Variants in PRDM2 observed in about 807,000 individuals in gnomAD.
PRDM2 encodes PR domain zinc finger protein 2.
Under a neutral mutation model 130.0 loss-of-function variants are expected in PRDM2, and 30 were observed. That is an observed-to-expected ratio of 0.23 (90% CI 0.17 to 0.31). PRDM2 has a LOEUF of 0.31. PRDM2 is among the 10% of genes least tolerant of loss of function. The probability of loss-of-function intolerance (pLI) is 1.00; values close to 1 mark genes in which losing one functional copy is unlikely to be tolerated. For synonymous variants in PRDM2, 871 were observed against 782.4 expected, an observed-to-expected ratio of 1.11 and a Z score of -1.89; for missense variants, 2,011 against 2,108.4, an observed-to-expected ratio of 0.95 and a Z score of 0.90.
chr1:13,747,044 A>C (rs1643632607), intron 5 of PRDM2, among the ~76,000 whole-genome samples: 1 of 152,196 alleles, frequency 6.6e-6, no homozygotes, highest in Admixed American at 6.5e-5. Flanking sequence ...TGGATATTTA[A>C]CTTCACCAAG....
At chr1:13,769,374 G>A (rs761068610) in intron 6 of PRDM2, among the ~76,000 whole-genome samples, 6 of 152,170 alleles carry the variant, frequency 3.9e-5, no homozygotes, top group Non-Finnish European at 8.8e-5. Flanking sequence ...AGGTTCCACC[G>A]CCTGTTGCTG....
intron 8 of PRDM2, among the ~76,000 whole-genome samples, chr1:13,799,241 C>T (rs1282203043): frequency 1.3e-5 from 2 of 152,068 alleles, no homozygotes; most frequent in African/African-American, 2.4e-5. Flanking sequence ...GTCAGGAGTT[C>T]GAGACCAGCC....
chr1:13,798,446 C>T (rs1312795196), intron 8 of PRDM2, among the ~76,000 whole-genome samples: 1 of 151,320 alleles, frequency 6.6e-6, no homozygotes, highest in Non-Finnish European at 1.5e-5. Context: ...GTTAAGAATG[C>T]ATAATGAAAG....
At position 13,746,953 on chromosome 1, in the gene PRDM2, T is replaced by A. The variant is rs541430839; in HGVS notation, c.385-2408T>A. Among the ~76,000 whole-genome samples the A allele has an allele frequency of 4.7e-4, 71 of 152,340 alleles. 1 individual carries two copies. The highest frequency in any genetic ancestry group is 1.5e-3 in the African/African-American group (62 of 41,562). ...TTTTATATTTGATTTGTGATACAGA[T>A]TCTGGTGTGTTTTTACTTTGTGTGT... On this transcript the variant is annotated intron_variant, in intron 5 of 9. Transcript: ENST00000311066.
At chr1:13,712,464 C>T (rs375742557) in intron 1 of PRDM2, among the ~76,000 whole-genome samples, 1 of 152,176 alleles carries the variant, frequency 6.6e-6, no homozygotes. Context: ...TCCTCCCATG[C>T]CCTCAGGACC....
chr1:13,793,705 C>G (rs1168583520), intron 8 of PRDM2, among the ~76,000 whole-genome samples: 2 of 152,162 alleles, frequency 1.3e-5, no homozygotes, highest in Non-Finnish European at 2.9e-5. Flanking sequence ...TGAGTCCCGG[C>G]TCATGGAGAG....
At chr1:13,800,425 G>A (rs916697929) in intron 8 of PRDM2, among the ~76,000 whole-genome samples, 2 of 152,212 alleles carry the variant, frequency 1.3e-5, no homozygotes, top group African/African-American at 4.8e-5. Flanking sequence ...GAGGCAGGGC[G>A]CAAACTGTGG....
intron 5 of PRDM2, 132 bp from the exon 6 acceptor site, chr1:13,749,229 C>A: frequency 1.1e-6 from 1 of 870,998 alleles, no homozygotes; most frequent in African/African-American, 1.8e-5. Flanking sequence ...TTCCTGCCGG[C>A]CGGGTGCGCG....
At chr1:13,709,937 A>G (rs1309973674) in intron 1 of PRDM2, among the ~76,000 whole-genome samples, 1 of 152,214 alleles carries the variant, frequency 6.6e-6, no homozygotes, top group Non-Finnish European at 1.5e-5. Flanking sequence ...CCTGCCAGAG[A>G]TCTAAAGTGA....
chr1:13,701,170 G>C (rs1642063088), intron 1 of PRDM2, among the ~76,000 whole-genome samples: 1 of 152,114 alleles, frequency 6.6e-6, no homozygotes, highest in Non-Finnish European at 1.5e-5. Flanking sequence ...TTTCGTGCTG[G>C]CCCCTCACTT....
At chr1:13,786,413 A>AAT (rs1296124484) in intron 8 of PRDM2, 4 of 1,486,048 alleles carry the variant, frequency 2.7e-6, no homozygotes, top group Non-Finnish European at 3.7e-6. Context: ...TTGTCGTCTT[A>AAT]ATAACATTTG....
At chr1:13,713,813 G>A (rs929119241) in intron 1 of PRDM2, among the ~76,000 whole-genome samples, 17 of 152,084 alleles carry the variant, frequency 1.1e-4, no homozygotes, top group Admixed American at 5.2e-4. Flanking sequence ...TCTGGTCGAG[G>A]GTCAGGTGTG....
chr1:13,803,582 G>A lies in PRDM2; in HGVS notation c.5037-12845G>A, dbSNP rs1645041618. Reference sequence around the variant, plus strand: ...CAACCTGGAGTATGACTGTGAGCGAGTGCCTTGCTCGCTCTCCTCGGTTTC... The same window carrying A: ...CAACCTGGAGTATGACTGTGAGCGAATGCCTTGCTCGCTCTCCTCGGTTTC... On this transcript the variant is annotated intron_variant, in intron 8 of 9. Coordinates refer to ENST00000311066, the MANE Select transcript of PRDM2 (RefSeq NM_001393986.1). This position sits in a 1 kb window ranked among gnomAD's most constrained non-coding sequence, Gnocchi z 6.2. Among the ~76,000 whole-genome samples the A allele has an allele frequency of 6.6e-6, 1 of 152,296 alleles. No homozygotes were observed. The highest frequency in any genetic ancestry group is 2.4e-5 in the African/African-American group (1 of 41,572).
intron 6 of PRDM2, among the ~76,000 whole-genome samples, chr1:13,759,550 G>C (rs1644045880): frequency 6.6e-6 from 1 of 152,038 alleles, no homozygotes; most frequent in South Asian, 2.1e-4. Flanking sequence ...AGAGATTACT[G>C]GCCATAAGCA....
chr1:13,717,532 A>T, intron 2 of PRDM2: 1 of 676,646 alleles, frequency 1.5e-6, no homozygotes. Context: ...AGGATTAATT[A>T]TGCCTTAATT....
intron 6 of PRDM2, among the ~76,000 whole-genome samples, chr1:13,751,202 A>T (rs1643825076): frequency 6.6e-6 from 1 of 152,196 alleles, no homozygotes; most frequent in Non-Finnish European, 1.5e-5. Flanking sequence ...TATGAACTTA[A>T]TAGCTGCATT....
intron 8 of PRDM2, among the ~76,000 whole-genome samples, chr1:13,798,226 A>G (rs561855257): frequency 4.5e-4 from 69 of 152,220 alleles, no homozygotes; most frequent in Non-Finnish European, 7.8e-4. Context: ...AATAGAGCCA[A>G]AGCTACCGCT....
intron 8 of PRDM2, among the ~76,000 whole-genome samples, chr1:13,786,097 T>C (rs1196868790): frequency 6.6e-6 from 1 of 152,094 alleles, no homozygotes; most frequent in Non-Finnish European, 1.5e-5. Flanking sequence ...CTCGGCCTCC[T>C]GCAGTGCTGG....
chr1:13,730,954 G>T, intron 2 of PRDM2, 46 bp from the exon 3 acceptor site: 5 of 1,276,762 alleles, frequency 3.9e-6, no homozygotes, highest in African/African-American at 1.5e-5. Context: ...CCCATGATTT[G>T]AGTTTTCTTT....
Sources: allele counts gnomAD v4.1 joint callset (sites outside exome capture counted in the v4.1 genomes callset), GRCh38; gene constraint gnomAD v4.1.1; non-coding constraint Gnocchi (gnomAD v3.1); transcripts MANE v1.5; gene names NCBI Gene and HGNC (gene_info 2026-07-23, HGNC 2026-07-21).